SYNC: variants seen among roughly 807,000 people sequenced by gnomAD.
The protein encoded by SYNC is syncoilin, intermediate filament protein.
A neutral mutation model predicts 49.5 loss-of-function variants in SYNC; 38 were observed. The ratio of observed to expected loss-of-function variants is 0.77; its 90% confidence interval spans 0.59 to 1.01. The LOEUF is 1.01. SYNC is among the 50% of genes least tolerant of loss of function. The probability of loss-of-function intolerance (pLI) is 0.00; values close to 1 mark genes in which losing one functional copy is unlikely to be tolerated. For missense variants in SYNC, 579 were observed against 580.6 expected (o/e 1.00, Z 0.03); for synonymous variants, 201 against 230.8 (o/e 0.87, Z 1.17).
Position 32,680,362 on chromosome 1 carries a change from T to TTG in SYNC, c.*1487_*1488insCA. 9.0e-7 allele frequency: 1 copy of TTG among 1,116,914 alleles called. No homozygotes were observed. Among genetic ancestry groups the TTG allele is most frequent in the Non-Finnish European group, 1.1e-6 (1 of 905,982 alleles). The allele number at this position is 1,116,914 out of a possible 1,614,324, so 69.2% of individuals were successfully genotyped here. ...TGTTTTTTTTTTTGTTGTTGGTTTT[T>TTG]TTTTTTTTTTTTTTAACTTGGGACC... On this transcript the variant is annotated 3_prime_UTR_variant, in exon 5 of 5. Coordinates refer to ENST00000409190, the MANE Select transcript of SYNC (RefSeq NM_030786.3).
chr1:32,693,567 C>T (rs1370823645), intron 2 of SYNC, among the ~76,000 whole-genome samples: 1 of 152,186 alleles, frequency 6.6e-6, no homozygotes, highest in Non-Finnish European at 1.5e-5. Flanking sequence ...CTTAGAGCAC[C>T]ACACTACAGT....
rs905798722 is a variant in SYNC, at chr1:32,681,019, C to T, written c.*831G>A. On this transcript the variant is annotated 3_prime_UTR_variant, in exon 5 of 5. Coordinates refer to ENST00000409190, the MANE Select transcript of SYNC (RefSeq NM_030786.3). Reference sequence around the variant, plus strand: ...CCTTTTCTCAGAGGTTTTATTTCCCCAGTATGTTTTTCACTGGGGCCTTTA... The same window carrying T: ...CCTTTTCTCAGAGGTTTTATTTCCCTAGTATGTTTTTCACTGGGGCCTTTA... The T allele has an allele frequency of 6.5e-6, 1 of 153,518 alleles. No homozygotes were observed. Among genetic ancestry groups the T allele is most frequent in the Non-Finnish European group, 1.5e-5 (1 of 68,724 alleles). The allele number at this position is 153,518 out of a possible 1,614,324, so 9.5% of individuals were successfully genotyped here.
intron 2 of SYNC, among the ~76,000 whole-genome samples, chr1:32,688,466 T>C (rs1434152868): frequency 6.6e-6 from 1 of 152,174 alleles, no homozygotes; most frequent in African/African-American, 2.4e-5. Context: ...GCTATTACAG[T>C]GCTTATAACA....
At position 32,694,061 on chromosome 1, in the gene SYNC, A is replaced by G. The variant is rs149918521; in HGVS notation, c.1233+804T>C. 4.4e-3 allele frequency among the ~76,000 whole-genome samples: 672 copies of G among 151,366 alleles called. 5 individuals carry two copies. The highest frequency in any genetic ancestry group is 7.9e-3 in the Non-Finnish European group (535 of 67,820). On this transcript the variant is annotated intron_variant, in intron 2 of 4. Transcript: ENST00000409190. Reference sequence around the variant, plus strand: ...AATCCAGCCTGGGCCACGTGGTGAAACCCTGTCTCTACAAAAAATTAGCCA... The same window carrying G: ...AATCCAGCCTGGGCCACGTGGTGAAGCCCTGTCTCTACAAAAAATTAGCCA...
At chr1:32,690,716 C>T (rs937149970) in intron 2 of SYNC, among the ~76,000 whole-genome samples, 2 of 151,770 alleles carry the variant, frequency 1.3e-5, no homozygotes, top group South Asian at 2.1e-4. Flanking sequence ...TTTGGGAGGC[C>T]GAGCCAGGCA....
chr1:32,681,749 G>C lies in SYNC; in HGVS notation c.*101C>G. The C allele has an allele frequency of 6.3e-7, 1 of 1,592,758 alleles. No individual in the cohort carries two copies. Among genetic ancestry groups the C allele is most frequent in the Non-Finnish European group, 8.6e-7 (1 of 1,162,724 alleles). On this transcript the variant is annotated 3_prime_UTR_variant, in exon 5 of 5. Transcript: ENST00000409190. Reference sequence around the variant, plus strand: ...GGATGAATTGCTTGCCAAGTTTCTGGCACTCTTGTCTGGTTGGAAGAGTAC... The same window carrying C: ...GGATGAATTGCTTGCCAAGTTTCTGCCACTCTTGTCTGGTTGGAAGAGTAC...
chr1:32,684,121 T>TTTTGGATAAGCACAA (rs1187011986), intron 3 of SYNC, 32 bp from the exon 4 acceptor site: 1 of 1,611,214 alleles, frequency 6.2e-7, no homozygotes, highest in Non-Finnish European at 8.5e-7. Context: ...TTCCATGTGT[T>TTTTGGATAAGCACAA]TTTGGATAAG....
At chr1:32,696,722 A>G (rs894078545) in intron 1 of SYNC, among the ~76,000 whole-genome samples, 9 of 151,914 alleles carry the variant, frequency 5.9e-5, no homozygotes, top group Non-Finnish European at 1.2e-4. Flanking sequence ...TGCTGGGATT[A>G]TAGGCATGAG....
intron 2 of SYNC, among the ~76,000 whole-genome samples, chr1:32,688,396 C>T (rs2148551787): frequency 6.6e-6 from 1 of 152,304 alleles, no homozygotes; most frequent in Middle Eastern, 3.4e-3. Flanking sequence ...AATGTCCCCT[C>T]TTTTGCCCAG....
At chr1:32,699,094 T>C (rs1004439852) in intron 1 of SYNC, among the ~76,000 whole-genome samples, 5 of 148,226 alleles carry the variant, frequency 3.4e-5, no homozygotes. Context: ...GCAAGAAATC[T>C]TCAGACAGCT....
intron 1 of SYNC, among the ~76,000 whole-genome samples, chr1:32,701,272 A>G (rs1453864903): frequency 2.6e-5 from 4 of 152,058 alleles, no homozygotes; most frequent in Non-Finnish European, 4.4e-5. Context: ...CCCTGCTCAA[A>G]CTTCATCTCT....
In SYNC at chr1:32,680,385, A is replaced by C. The variant is rs1570882021; in HGVS notation, c.*1465T>G. On this transcript the variant is annotated 3_prime_UTR_variant, in exon 5 of 5. Coordinates refer to ENST00000409190, the MANE Select transcript of SYNC (RefSeq NM_030786.3). ...TTTTTTTTTTTTTTTTTAACTTGGG[A>C]CCACCAAGTTGTAAAGATGTATGTT... 3 of 1,114,764 alleles carry C rather than the reference A, an allele frequency of 2.7e-6. No individual in the cohort carries two copies. Among genetic ancestry groups the C allele is most frequent in the Non-Finnish European group, 2.2e-6 (2 of 911,316 alleles). 69.1% of individuals were successfully genotyped at this position (1,114,764 alleles called of 1,614,324 possible). A position where few individuals can be genotyped will look rare whatever the true frequency, so the allele number is the denominator to read the frequency against.
chr1:32,679,961 A>G lies in SYNC; in HGVS notation c.*1889T>C, dbSNP rs1438511613. On this transcript the variant is annotated 3_prime_UTR_variant, in exon 5 of 5. Transcript: ENST00000409190. ...ACCCAGGTCTAAAGTAGCTACAGAA[A>G]GGGGAATATTATGTGTGATTATTTT... The G allele has an allele frequency of 1.6e-6, 2 of 1,260,556 alleles. No individual in the cohort carries two copies. The highest frequency in any genetic ancestry group is 1.0e-6 in the Non-Finnish European group (1 of 1,003,944). 78.1% of individuals were successfully genotyped at this position (1,260,556 alleles called of 1,614,324 possible). A position where few individuals can be genotyped will look rare whatever the true frequency, so the allele number is the denominator to read the frequency against.
At chr1:32,688,884 G>C (rs1254108570) in intron 2 of SYNC, among the ~76,000 whole-genome samples, 1 of 149,906 alleles carries the variant, frequency 6.7e-6, no homozygotes, top group African/African-American at 2.5e-5. Context: ...CCCGGCCTCT[G>C]GAGTACAAAC....
At position 32,695,251 on chromosome 1, in the gene SYNC, G is replaced by T. The variant is rs1268890888; in HGVS notation, c.847C>A (p.Gln283Lys). 1 of 1,552,052 alleles carries T rather than the reference G, an allele frequency of 6.4e-7. No individual in the cohort carries two copies. ...AGCTGGGCCAGTTCCTCTGAGAGCT[G>T]GGTTGCCCTTGTAGTCAGCACTTCC... ...FREVLTTRAT[Q>K]LSEELAQLRD... Residue 283 changes from glutamine (Q) to lysine (K), a missense_variant, in exon 2 of 5, where the codon CAG becomes AAG. Physicochemically the swap from Gln to Lys is moderately conservative, Grantham distance 53. Transcript: ENST00000409190.
intron 2 of SYNC, among the ~76,000 whole-genome samples, chr1:32,691,890 T>C (rs984890978): frequency 2.0e-5 from 3 of 152,106 alleles, no homozygotes; most frequent in African/African-American, 7.2e-5. Flanking sequence ...CTAGCTCAAA[T>C]TCCACCTCTT....
intron 2 of SYNC, 102 bp from the exon 3 acceptor site, chr1:32,684,484 G>C: frequency 6.5e-7 from 1 of 1,532,744 alleles, no homozygotes; most frequent in Non-Finnish European, 8.9e-7. Context: ...GTTTAATCTT[G>C]ATAGCAGTAT....
At chr1:32,703,103 G>C (rs1650734246), upstream of SYNC, 1 of 152,182 alleles carries the variant, frequency 6.6e-6, no homozygotes, top group African/African-American at 2.4e-5. Flanking sequence ...TCTCCCGCGA[G>C]TGTTTGGGGG....
At chr1:32,682,359 G>A (rs911204297) in intron 4 of SYNC, 8 of 152,916 alleles carry the variant, frequency 5.2e-5, no homozygotes, top group African/African-American at 1.9e-4. Flanking sequence ...AGGCAGAGTT[G>A]CAGTGAGCCA....
Sources: allele counts gnomAD v4.1 joint callset (sites outside exome capture counted in the v4.1 genomes callset), GRCh38; gene constraint gnomAD v4.1.1; transcripts MANE v1.5; gene names NCBI Gene and HGNC (gene_info 2026-07-23, HGNC 2026-07-21).